NBEAL2: variants seen among roughly 807,000 people sequenced by gnomAD.
NBEAL2 encodes the protein neurobeachin like 2.
NBEAL2 carries 160 observed loss-of-function variants against 299.8 expected under a neutral mutation model. The observed-to-expected ratio is 0.53, with a 90% CI of 0.47 to 0.61. NBEAL2 has a LOEUF of 0.61. Ranked by LOEUF, NBEAL2 falls within the 20% of genes least tolerant of loss-of-function variation. NBEAL2 has a pLI of 0.00. For synonymous variants in NBEAL2, 1,493 were observed against 1,542.3 expected (o/e 0.97, Z 0.75); for missense variants, 3,112 against 3,649.0 (o/e 0.85, Z 3.79).
In NBEAL2 at chr3:47,006,023, C is replaced by A. The variant is rs150552768; in HGVS notation, c.6879C>A (p.Ala2293=). 9 of 1,613,736 alleles carry A rather than the reference C, an allele frequency of 5.6e-6. No homozygotes were observed. Among genetic ancestry groups the A allele is most frequent in the Non-Finnish European group, 7.6e-6 (9 of 1,179,884 alleles). The change falls in exon 43 of 54, where the codon GCC becomes GCA. Residue 2293 remains alanine, a synonymous_variant. Coordinates refer to ENST00000450053, the MANE Select transcript of NBEAL2 (RefSeq NM_015175.3). ...IFGYKQRGPA[A]EEALNVFYYC... Reference sequence around the variant, plus strand: ...GCTACAAGCAGCGGGGGCCAGCCGCCGAGGAGGCCCTCAATGTCTTCTATT... The same window carrying A: ...GCTACAAGCAGCGGGGGCCAGCCGCAGAGGAGGCCCTCAATGTCTTCTATT...
Position 47,001,599 on chromosome 3 carries a change from G to A in NBEAL2, c.4645-90G>A. 12 of 1,580,636 alleles carry A rather than the reference G, an allele frequency of 7.6e-6. No individual in the cohort carries two copies. The highest frequency in any genetic ancestry group is 1.0e-5 in the Non-Finnish European group (12 of 1,161,776). On this transcript the variant is annotated intron_variant, in intron 29 of 53. Transcript: ENST00000450053. The surrounding 1 kb of genome is among the most constrained non-coding windows in gnomAD (Gnocchi z 6.1). ...TTGCCTGTGTGCACAAACCCTACCTGGCCCCCAGCGCAAACTTTACTTTGC... is the reference window on the plus strand; with the variant it reads ...TTGCCTGTGTGCACAAACCCTACCTAGCCCCCAGCGCAAACTTTACTTTGC...
In NBEAL2 at chr3:47,001,617, T is replaced by A; in HGVS notation, c.4645-72T>A. The A allele has an allele frequency of 6.3e-7, 1 of 1,591,934 alleles. No individual in the cohort carries two copies. The highest frequency in any genetic ancestry group is 1.3e-5 in the African/African-American group (1 of 74,656). ...CCTACCTGGCCCCCAGCGCAAACTT[T>A]ACTTTGCTCCCTTTCCATGGACTCC... is the stretch of plus-strand genomic sequence containing the variant. On this transcript the variant is annotated intron_variant, in intron 29 of 53. Transcript: ENST00000450053. This position sits in a 1 kb window ranked among gnomAD's most constrained non-coding sequence, Gnocchi z 6.1.
rs972968804 is a variant in NBEAL2 at position 47,003,503 on chromosome 3, C to T, written c.5720+194C>T. 6.6e-6 allele frequency among the ~76,000 whole-genome samples: 1 copy of T among 152,148 alleles called. No homozygotes were observed. Among genetic ancestry groups the T allele is most frequent in the Non-Finnish European group, 1.5e-5 (1 of 68,034 alleles). On this transcript the variant is annotated intron_variant, in intron 35 of 53. Transcript: ENST00000450053. This position sits in a 1 kb window ranked among gnomAD's most constrained non-coding sequence, Gnocchi z 7.0. ...ACAGGGCTGAGAGTTGCTCTTTTAA[C>T]AGCCAGGCACCTGAGGACAGCACTG...
Position 47,001,006 on chromosome 3 carries a change from C to T in NBEAL2, c.4311C>T (p.Thr1437=). 1.2e-6 allele frequency: 2 copies of T among 1,607,200 alleles called. No homozygotes were observed. The highest frequency in any genetic ancestry group is 1.7e-6 in the Non-Finnish European group (2 of 1,176,976). ...DTSNTSNPQQ[T]SEEELCNLLT... ...CCACCCACCTGTGCCCACAGCAAAC[C>T]TCTGAGGAAGAGTTGTGCAATCTGC... is the stretch of plus-strand genomic sequence containing the variant. Residue 1437 remains threonine (T), a synonymous_variant, in exon 28 of 54, where the codon ACC becomes ACT. Transcript: ENST00000450053. The surrounding 1 kb of genome is among the most constrained non-coding windows in gnomAD (Gnocchi z 6.1).
chr3:47,004,352 C>T lies in NBEAL2; in HGVS notation c.6157C>T (p.Arg2053Cys), dbSNP rs768389780. The change falls in exon 37 of 54, where the codon CGC becomes TGC. Residue 2053 changes from arginine to cysteine, a missense_variant. Arg to Cys is a radical substitution (Grantham distance 180, BLOSUM62 -3). Coordinates refer to ENST00000450053, the MANE Select transcript of NBEAL2 (RefSeq NM_015175.3). This position sits in a 1 kb window ranked among gnomAD's most constrained non-coding sequence, Gnocchi z 5.0. ...CCCCTCTCAAGGCTACCTAAGCAGC[C>T]GCTCCCCCCAGGAGATGCTGCGTGC... ...RPPSQGYLSSRSPQEMLRASG... is the reference protein window; with the variant it reads ...RPPSQGYLSSCSPQEMLRASG... The T allele has an allele frequency of 7.9e-5, 126 of 1,604,648 alleles. No individual in the cohort carries two copies. The highest frequency in any genetic ancestry group is 4.7e-4 in the Admixed American group (28 of 59,648).
At chr3:46,994,811 G>A (rs916216295) in intron 12 of NBEAL2, among the ~76,000 whole-genome samples, 3 of 152,216 alleles carry the variant, frequency 2.0e-5, no homozygotes, top group Non-Finnish European at 4.4e-5. Context: ...AACCCAGGCT[G>A]AAAACTAAGG....
chr3:46,994,997 A>T, intron 12 of NBEAL2, 35 bp from the exon 13 acceptor site: 1 of 1,506,340 alleles, frequency 6.6e-7, no homozygotes, highest in Non-Finnish European at 8.9e-7. Context: ...AGGGTGCCAC[A>T]GCTGACCAGG....
chr3:46,998,359 A>G (rs1038278173), intron 21 of NBEAL2, 104 bp from the exon 22 acceptor site: 5 of 1,510,184 alleles, frequency 3.3e-6, no homozygotes, highest in Middle Eastern at 1.7e-4. Flanking sequence ...TGAGGGGACT[A>G]TGACCCTGCC....
In NBEAL2 at chr3:47,001,551, C is replaced by A; in HGVS notation, c.4644+113C>A. The stretch of plus-strand genomic sequence containing the variant: ...ACGTGCGCAGGTGTGGGTGCATCAG[C>A]ATGAATGCCTGTGAGTGTGGACTTG... On this transcript the variant is annotated intron_variant, in intron 29 of 53. Coordinates refer to ENST00000450053, the MANE Select transcript of NBEAL2 (RefSeq NM_015175.3). The surrounding 1 kb of genome is among the most constrained non-coding windows in gnomAD (Gnocchi z 6.1). 1 of 1,551,384 alleles carries A rather than the reference C, an allele frequency of 6.4e-7. No homozygotes were observed. Among genetic ancestry groups the A allele is most frequent in the Non-Finnish European group, 8.7e-7 (1 of 1,144,556 alleles).
At chr3:47,006,951 C>A in intron 45 of NBEAL2, 115 bp from the exon 46 acceptor site, 1 of 830,124 alleles carries the variant, frequency 1.2e-6, no homozygotes, top group Non-Finnish European at 1.8e-6. Flanking sequence ...GCATCTGTGA[C>A]ACCTACTCTA....
chr3:46,998,145 G>A lies in NBEAL2; in HGVS notation c.3037G>A (p.Gly1013Arg), dbSNP rs754094273. 8.1e-6 allele frequency: 13 copies of A among 1,600,580 alleles called. No individual in the cohort carries two copies. The highest frequency in any genetic ancestry group is 1.7e-5 in the Admixed American group (1 of 58,238). The change falls in exon 21 of 54, where the codon GGG becomes AGG. Residue 1013 changes from glycine to arginine, a missense_variant. Around this residue, in one of 3 missense-constraint regions of NBEAL2, gnomAD observed 2,243 missense variants for 2,538.1 expected, o/e 0.88. Transcript: ENST00000450053. Reference protein sequence around the residue: ...LMEQVAAEGSGPLLYLLYQHL... With the variant: ...LMEQVAAEGSRPLLYLLYQHL... ...GGAGCAGGTGGCAGCTGAGGGCAGC[G>A]GGCCCCTCCTGTACCTACTCTACCA...
chr3:47,006,936 C>G (rs189360313), intron 45 of NBEAL2, 130 bp from the exon 46 acceptor site: 1 of 722,232 alleles, frequency 1.4e-6, no homozygotes, highest in Non-Finnish European at 2.2e-6. Context: ...TTGGAGGGAA[C>G]CTCTGCATCT....
rs562147265 is a variant in NBEAL2, at chr3:47,000,161, G to T, written c.4062G>T (p.Thr1354=). 3 of 1,613,778 alleles carry T rather than the reference G, an allele frequency of 1.9e-6. No individual in the cohort carries two copies. The highest frequency in any genetic ancestry group is 3.3e-5 in the Admixed American group (2 of 60,030). ...GFYHALSPFC[T]PFDLGLERSS... ...ACCATGCTCTCTCCCCATTCTGCAC[G>T]CCCTTTGACCTGGGCCTGGAACGGT... The change falls in exon 27 of 54, where the codon ACG becomes ACT. Residue 1354 remains threonine, a synonymous_variant. Coordinates refer to ENST00000450053, the MANE Select transcript of NBEAL2 (RefSeq NM_015175.3). This position sits in a 1 kb window ranked among gnomAD's most constrained non-coding sequence, Gnocchi z 4.5.
At position 46,996,995 on chromosome 3, in the gene NBEAL2, T is replaced by C. The variant is rs1357830320; in HGVS notation, c.2598T>C (p.His866=). 3 of 1,613,348 alleles carry C rather than the reference T, an allele frequency of 1.9e-6. No individual in the cohort carries two copies. Among genetic ancestry groups the C allele is most frequent in the Non-Finnish European group, 1.7e-6 (2 of 1,179,812 alleles). ...NNICLDLSPS[H]GLDGRLTGHR... ...TCTGCCTGGACCTGTCCCCCAGTCA[T>C]GGGCTTGATGGGCGCCTGACGGGCC... The change falls in exon 18 of 54, where the codon CAT becomes CAC. Residue 866 remains histidine (H), a synonymous_variant. Transcript: ENST00000450053.
Position 47,004,588 on chromosome 3 carries a change from G to A in NBEAL2, c.6292G>A (p.Val2098Met). The change falls in exon 38 of 54, where the codon GTG (valine) becomes ATG (methionine). Residue 2098 changes from valine to methionine, a missense_variant and splice_region_variant. Transcript: ENST00000450053. The surrounding 1 kb of genome is among the most constrained non-coding windows in gnomAD (Gnocchi z 5.0). ...CTACAATGACCTGTCTCAGTACCCT[G>A]TGGTGAGGGTCCCACTCTGCACCCC... Reference protein sequence around the residue: ...RTYNDLSQYPVFPWVLQDYVS... With the variant: ...RTYNDLSQYPMFPWVLQDYVS... 1.2e-6 allele frequency: 2 copies of A among 1,613,318 alleles called. No individual in the cohort carries two copies. Among genetic ancestry groups the A allele is most frequent in the South Asian group, 1.1e-5 (1 of 91,074 alleles).
intron 49 of NBEAL2, 38 bp downstream of exon 49, chr3:47,007,948 C>T: frequency 1.3e-6 from 2 of 1,594,632 alleles, no homozygotes; most frequent in Non-Finnish European, 1.7e-6. Context: ...CCCCCGTAGC[C>T]CAGACCTGCA....
chr3:46,979,750 T>TCCGCC lies in NBEAL2; in HGVS notation c.-108_-104dup, dbSNP rs1417551885. The TCCGCC allele has an allele frequency of 3.1e-6, 1 of 326,730 alleles. No homozygotes were observed. The highest frequency in any genetic ancestry group is 5.0e-5 in the Admixed American group (1 of 20,116). 20.2% of individuals were successfully genotyped at this position (326,730 alleles called of 1,614,324 possible). A position where few individuals can be genotyped will look rare whatever the true frequency, so the allele number is the denominator to read the frequency against. ...GACTTCCCCAGTAGTACCGCGCCGC[T>TCCGCC]CCGCCCCGGAGTGACGCCCTCCGCC... On this transcript the variant is annotated 5_prime_UTR_variant, in exon 1 of 54. Coordinates refer to ENST00000450053, the MANE Select transcript of NBEAL2 (RefSeq NM_015175.3).
rs139259673 is a variant in NBEAL2, at chr3:46,993,427, A to C, written c.1114-510A>C. Among the ~76,000 whole-genome samples the C allele has an allele frequency of 2.5e-3, 382 of 152,304 alleles. 1 individual carries two copies. The highest frequency in any genetic ancestry group is 4.4e-3 in the Non-Finnish European group (299 of 68,018). On this transcript the variant is annotated intron_variant, in intron 10 of 53. Coordinates refer to ENST00000450053, the MANE Select transcript of NBEAL2 (RefSeq NM_015175.3). ...CTGGCTGTCAGGTTCAGCCAGGCTG[A>C]GCCTCAGTGCCCCCACCTGGATCTA...
chr3:46,996,783 G>C lies in NBEAL2; in HGVS notation c.2506G>C (p.Gly836Arg). The change falls in exon 17 of 54, where the codon GGG (glycine) becomes CGG (arginine). Residue 836 changes from glycine (G) to arginine (R), a missense_variant. Physicochemically the swap from Gly to Arg is moderately radical, Grantham distance 125 (BLOSUM62 -2). This residue lies in a region of NBEAL2 where 2,243 missense variants were observed against 2,538.1 expected (regional missense o/e 0.88). Transcript: ENST00000450053. ...PNETAPFKPE[G>R]ELHELSTRLL... is the part of the protein sequence containing the mutation. ...TGAGACGGCACCCTTCAAGCCTGAG[G>C]GGGAGCTGCATGAGCTCAGCACCAG... The C allele has an allele frequency of 6.2e-7, 1 of 1,612,598 alleles. No individual in the cohort carries two copies. The highest frequency in any genetic ancestry group is 2.2e-5 in the East Asian group (1 of 44,878).
Sources: allele counts gnomAD v4.1 joint callset (sites outside exome capture counted in the v4.1 genomes callset), GRCh38; gene constraint gnomAD v4.1.1; regional missense constraint gnomAD v4.1.1; non-coding constraint Gnocchi (gnomAD v3.1); transcripts MANE v1.5; gene names NCBI Gene and HGNC (gene_info 2026-07-23, HGNC 2026-07-21).